The following DIABLO variants were observed in gnomAD, a reference collection of about 807,000 sequenced individuals.
The protein encoded by DIABLO is diablo IAP-binding mitochondrial protein, also known as diablo homolog, mitochondrial.
In DIABLO, 32 loss-of-function variants were observed where a neutral mutation model predicts 31.7. That is an observed-to-expected ratio of 1.01 (90% CI 0.76 to 1.35). The LOEUF (loss-of-function observed/expected upper bound fraction) is 1.35, where lower values mean the gene tolerates loss of function less well. Among genes scored for constraint, DIABLO ranks in the 40% most tolerant of loss-of-function variants. The probability of loss-of-function intolerance (pLI) is 0.00; values close to 1 mark genes in which losing one functional copy is unlikely to be tolerated. For missense variants in DIABLO, 316 were observed against 286.4 expected, an observed-to-expected ratio of 1.10 and a Z score of -0.75; for synonymous variants, 132 against 103.2, an observed-to-expected ratio of 1.28 and a Z score of -1.69.
In DIABLO at chr12:122,226,052, T is replaced by C; in HGVS notation, c.-38A>G. 10 of 1,588,382 alleles carry C rather than the reference T, an allele frequency of 6.3e-6. No homozygotes were observed. The highest frequency in any genetic ancestry group is 8.5e-6 in the Non-Finnish European group (10 of 1,169,666). On this transcript the variant is annotated 5_prime_UTR_variant, in exon 1 of 6. Coordinates refer to ENST00000464942, the MANE Select transcript of DIABLO (RefSeq NM_001371333.1). ...GGACGCCAGACGCACACGCCGGAAG[T>C]GACGCAGCTTCGTGAGCGCGGAGCG... is the stretch of plus-strand genomic sequence containing the variant.
At chr12:122,226,328 C>T, upstream of DIABLO, 2 of 568,598 alleles carry the variant, frequency 3.5e-6, no homozygotes, top group Non-Finnish European at 6.3e-6. Context: ...GGACTCAGTT[C>T]GGGCCAGGGC....
At chr12:122,223,065 C>G (rs963357246) in intron 2 of DIABLO, among the ~76,000 whole-genome samples, 1 of 152,020 alleles carries the variant, frequency 6.6e-6, no homozygotes, top group Admixed American at 6.6e-5. Context: ...GATATAGCAA[C>G]TAGTCTTCCT....
rs151114028 is a variant in DIABLO at position 122,216,213 on chromosome 12, C to T, written c.523+275G>A. On this transcript the variant is annotated intron_variant, in intron 5 of 5. Transcript: ENST00000464942. The stretch of plus-strand genomic sequence containing the variant: ...AAAAGAAGCTAAAACTATTTGGAAG[C>T]AATCCAATTTTCCAATGGTAATAGT... Among the ~76,000 whole-genome samples, 94 of 152,312 alleles carry T rather than the reference C, an allele frequency of 6.2e-4. No individual in the cohort carries two copies. The East Asian group carries it at 0.014, about 22-fold the overall frequency.
intron 5 of DIABLO, chr12:122,208,872 T>A (rs1421452359): frequency 8.7e-6 from 4 of 460,946 alleles, no homozygotes; most frequent in Non-Finnish European, 1.2e-5. Context: ...GTACAGACCT[T>A]TGATTAATTT....
At chr12:122,220,708 TGTC>T (rs1954316254) in intron 2 of DIABLO, 1 of 152,208 alleles carries the variant, frequency 6.6e-6, no homozygotes, top group Non-Finnish European at 1.5e-5. Flanking sequence ...CACTCTATGT[TGTC>T]TTGTTTTTGC....
intron 1 of DIABLO, 153 bp from the exon 2 acceptor site, chr12:122,224,797 C>G: frequency 6.5e-7 from 1 of 1,550,262 alleles, no homozygotes; most frequent in Non-Finnish European, 8.7e-7. Flanking sequence ...TTTCAACATA[C>G]ACCAAGTTTA....
intron 2 of DIABLO, among the ~76,000 whole-genome samples, chr12:122,223,780 T>C (rs1029451677): frequency 3.9e-5 from 6 of 152,162 alleles, no homozygotes; most frequent in Non-Finnish European, 5.9e-5. Context: ...CCTCCCAGAA[T>C]TGCCTATTCA....
At chr12:122,224,857 A>G (rs1593183517) in intron 1 of DIABLO, 1 of 1,475,734 alleles carries the variant, frequency 6.8e-7, no homozygotes, top group East Asian at 2.7e-5. Flanking sequence ...TAATCCTAGC[A>G]CTTGGAAGGC....
At chr12:122,215,833 T>C (rs1335478865) in intron 5 of DIABLO, among the ~76,000 whole-genome samples, 2 of 150,708 alleles carry the variant, frequency 1.3e-5, no homozygotes, top group African/African-American at 4.9e-5. Flanking sequence ...GCCTAGGATT[T>C]CGAGATTAGC....
intron 5 of DIABLO, among the ~76,000 whole-genome samples, chr12:122,212,388 A>G (rs1954106959): frequency 6.6e-6 from 1 of 152,184 alleles, no homozygotes; most frequent in African/African-American, 2.4e-5. Context: ...GAAAGTGTAT[A>G]CAGGTGGTAC....
intron 5 of DIABLO, chr12:122,209,745 A>G (rs750581755): frequency 1.4e-6 from 1 of 703,112 alleles, no homozygotes; most frequent in South Asian, 1.5e-5. Context: ...CATTTTATCA[A>G]TTCGTCTGTA....
chr12:122,227,385 T>C (rs1300020841), upstream of DIABLO: 1 of 454,084 alleles, frequency 2.2e-6, no homozygotes, highest in East Asian at 6.9e-5. Context: ...TCTTCCACCC[T>C]GAAGCTCCGC....
chr12:122,222,114 T>C (rs1264263828), intron 2 of DIABLO: 2 of 152,242 alleles, frequency 1.3e-5, no homozygotes, highest in Non-Finnish European at 2.9e-5. Flanking sequence ...CTCTTCCCCA[T>C]AAAGCATATA....
intron 5 of DIABLO, among the ~76,000 whole-genome samples, chr12:122,211,230 T>A (rs533583602): frequency 3.3e-5 from 5 of 150,524 alleles, no homozygotes; most frequent in Admixed American, 6.6e-5. Context: ...TGAAACCCCA[T>A]CTCTACCAAA....
rs536087019 is a variant in DIABLO at position 122,212,987 on chromosome 12, C to A, written c.523+3501G>T. Among the ~76,000 whole-genome samples, 15 of 152,118 alleles carry A rather than the reference C, an allele frequency of 9.9e-5. No individual in the cohort carries two copies. The South Asian group carries it at 2.3e-3, about 23-fold the overall frequency. On this transcript the variant is annotated intron_variant, in intron 5 of 5. Transcript: ENST00000464942. ...CCAGGCTGGGGTACACTGGCCTGAT[C>A]ATGGCTCACTGCAGCCTCGACCTCC...
chr12:122,225,571 C>G, intron 1 of DIABLO: 1 of 1,179,778 alleles, frequency 8.5e-7, no homozygotes, highest in Non-Finnish European at 1.1e-6. Flanking sequence ...CCAGCTCCCC[C>G]GGCCCCTTCT....
chr12:122,213,008 C>T (rs1954121927), intron 5 of DIABLO, among the ~76,000 whole-genome samples: 1 of 151,922 alleles, frequency 6.6e-6, no homozygotes, highest in Admixed American at 6.6e-5. Context: ...GCAGCCTCGA[C>T]CTCCAGGGCC....
chr12:122,212,631 G>GT (rs11290492), intron 5 of DIABLO, among the ~76,000 whole-genome samples: 34,809 of 144,784 alleles, frequency 0.24, 5,366 homozygotes, highest in East Asian at 0.62. Flanking sequence ...ATTTATTTTT[G>GT]TTTTTTTTTT....
At chr12:122,210,539 ATTTAT>A (rs1336432972) in intron 5 of DIABLO, among the ~76,000 whole-genome samples, 1 of 150,732 alleles carries the variant, frequency 6.6e-6, no homozygotes, top group Non-Finnish European at 1.5e-5. Context: ...TGCCTAATTT[ATTTAT>A]TTATTTTTTT....
Sources: allele counts gnomAD v4.1 joint callset (sites outside exome capture counted in the v4.1 genomes callset), GRCh38; gene constraint gnomAD v4.1.1; transcripts MANE v1.5; gene names NCBI Gene and HGNC (gene_info 2026-07-23, HGNC 2026-07-21).